The following LEKR1 variants were observed in gnomAD, a reference collection of about 807,000 sequenced individuals.
LEKR1 encodes protein LEKR1.
A neutral mutation model predicts 72.4 loss-of-function variants in LEKR1; 59 were observed. The ratio of observed to expected loss-of-function variants is 0.82; its 90% CI spans 0.66 to 1.01. LEKR1 has a LOEUF of 1.01. Ranked by LOEUF, LEKR1 falls within the 50% of genes least tolerant of loss-of-function variation. LEKR1 has a pLI of 0.00. For missense variants in LEKR1, 728 were observed against 759.2 expected, an observed-to-expected ratio of 0.96 and a Z score of 0.48; for synonymous variants, 257 against 263.2, an observed-to-expected ratio of 0.98 and a Z score of 0.23.
chr3:156,869,552 GT>G (rs1323042965), intron 3 of LEKR1, among the ~76,000 whole-genome samples: 1 of 151,438 alleles, frequency 6.6e-6, no homozygotes, highest in East Asian at 1.9e-4. Flanking sequence ...GAATTATTTG[GT>G]TTTTTACTGC....
intron 11 of LEKR1, among the ~76,000 whole-genome samples, chr3:157,027,358 A>G (rs553059803): frequency 3.2e-4 from 48 of 152,248 alleles, no homozygotes; most frequent in Admixed American, 1.4e-3. Flanking sequence ...CAGCCATTAT[A>G]TACAAAAAAG....
intron 5 of LEKR1, among the ~76,000 whole-genome samples, chr3:156,931,592 C>CA (rs2108577041): frequency 6.6e-6 from 1 of 152,018 alleles, no homozygotes; most frequent in South Asian, 2.1e-4. Context: ...CCTAAAACTG[C>CA]AAAAAACTCA....
intron 6 of LEKR1, among the ~76,000 whole-genome samples, chr3:156,973,588 A>T (rs1729434455): frequency 6.6e-6 from 1 of 152,148 alleles, no homozygotes; most frequent in South Asian, 2.1e-4. Flanking sequence ...TAATATTTGA[A>T]TTCGATAAGA....
At position 156,875,176 on chromosome 3, in the gene LEKR1, C is replaced by T. The variant is rs190617442; in HGVS notation, c.263+22194C>T. ...AGTGTAAAAGTGATCCTTTTCACTA[C>T]ATCCACACCAACATCTATTATTTTT... On this transcript the variant is annotated intron_variant, in intron 3 of 12. Transcript: ENST00000356539. Among the ~76,000 whole-genome samples, 33 of 152,312 alleles carry T rather than the reference C, an allele frequency of 2.2e-4. No homozygotes were observed. The East Asian group carries it at 6.0e-3, about 28-fold the overall frequency.
intron 12 of LEKR1, among the ~76,000 whole-genome samples, chr3:157,032,840 G>C (rs1196844371): frequency 1.3e-5 from 2 of 150,894 alleles, no homozygotes; most frequent in Non-Finnish European, 3.0e-5. Flanking sequence ...TTGAAGGTTT[G>C]TGGCAACCCC....
At chr3:157,024,521 T>G (rs899750835) in intron 10 of LEKR1, among the ~76,000 whole-genome samples, 1 of 152,220 alleles carries the variant, frequency 6.6e-6, no homozygotes, top group East Asian at 1.9e-4. Context: ...AACTGTCATA[T>G]AGTTGTAACT....
At chr3:156,921,273 A>G (rs553827285) in intron 4 of LEKR1, among the ~76,000 whole-genome samples, 2 of 152,238 alleles carry the variant, frequency 1.3e-5, no homozygotes, top group East Asian at 3.9e-4. Context: ...AATAACTTTT[A>G]GCTCTTAGAA....
chr3:156,902,793 A>C (rs1722157207), intron 3 of LEKR1, among the ~76,000 whole-genome samples: 1 of 152,108 alleles, frequency 6.6e-6, no homozygotes, highest in East Asian at 1.9e-4. Context: ...AATACTATCT[A>C]GCTTATATTA....
intron 3 of LEKR1, among the ~76,000 whole-genome samples, chr3:156,891,262 G>T (rs1490740532): frequency 6.6e-6 from 1 of 152,104 alleles, no homozygotes; most frequent in Non-Finnish European, 1.5e-5. Context: ...CATTTCAGAA[G>T]AATTTAATTC....
At chr3:156,926,551 C>T (rs1265855048) in intron 4 of LEKR1, among the ~76,000 whole-genome samples, 1 of 151,960 alleles carries the variant, frequency 6.6e-6, no homozygotes, top group Non-Finnish European at 1.5e-5. Context: ...TGAGTTCCCC[C>T]TAGTCTCCTT....
chr3:156,890,118 C>G (rs1217640574), intron 3 of LEKR1, among the ~76,000 whole-genome samples: 1 of 152,092 alleles, frequency 6.6e-6, no homozygotes, highest in Non-Finnish European at 1.5e-5. Flanking sequence ...ATGCCTGGCA[C>G]TTGGTAAATG....
intron 5 of LEKR1, among the ~76,000 whole-genome samples, chr3:156,939,266 G>A (rs1462306597): frequency 1.3e-5 from 2 of 152,108 alleles, no homozygotes; most frequent in African/African-American, 4.8e-5. Flanking sequence ...GACACCTACG[G>A]ACACCATGTG....
intron 6 of LEKR1, among the ~76,000 whole-genome samples, chr3:156,971,856 G>A (rs1361613989): frequency 1.3e-5 from 2 of 152,186 alleles, no homozygotes; most frequent in African/African-American, 4.8e-5. Context: ...TGCTGGAGAG[G>A]ATGTAGAGAA....
chr3:156,976,883 T>C (rs1323275963), intron 6 of LEKR1, among the ~76,000 whole-genome samples: 2 of 152,240 alleles, frequency 1.3e-5, no homozygotes, highest in Non-Finnish European at 2.9e-5. Flanking sequence ...CATGAAATTA[T>C]ATGAAATCAA....
chr3:156,873,325 T>C (rs1718183397), intron 3 of LEKR1, among the ~76,000 whole-genome samples: 1 of 152,084 alleles, frequency 6.6e-6, no homozygotes, highest in African/African-American at 2.4e-5. Flanking sequence ...GAGATGATTT[T>C]CTGGTAAGCA....
intron 1 of LEKR1, chr3:156,827,109 T>C (rs577454716): frequency 3.5e-4 from 54 of 152,484 alleles, no homozygotes; most frequent in African/African-American, 1.3e-3. Context: ...CGCAAAACTA[T>C]GTAAGACTAA....
chr3:156,873,716 G>A (rs1343324645), intron 3 of LEKR1, among the ~76,000 whole-genome samples: 1 of 151,792 alleles, frequency 6.6e-6, no homozygotes, highest in Non-Finnish European at 1.5e-5. Context: ...TTGCATGTCT[G>A]GAAAAGACTT....
chr3:156,983,101 T>C (rs1274494391), intron 7 of LEKR1, among the ~76,000 whole-genome samples: 6 of 152,188 alleles, frequency 3.9e-5, no homozygotes, highest in African/African-American at 1.4e-4. Context: ...TCTGCAATTA[T>C]ACAGTAACTT....
intron 5 of LEKR1, among the ~76,000 whole-genome samples, chr3:156,939,276 G>C (rs1725992760): frequency 6.6e-6 from 1 of 152,162 alleles, no homozygotes; most frequent in African/African-American, 2.4e-5. Flanking sequence ...GACACCATGT[G>C]AATACACAGG....
Sources: allele counts gnomAD v4.1 joint callset (sites outside exome capture counted in the v4.1 genomes callset), GRCh38; gene constraint gnomAD v4.1.1; transcripts MANE v1.5; gene names NCBI Gene and HGNC (gene_info 2026-07-23, HGNC 2026-07-21).